SPATS2: variants seen among roughly 807,000 people sequenced by gnomAD.
SPATS2 encodes spermatogenesis-associated serine-rich protein 2.
A neutral mutation model predicts 63.7 loss-of-function variants in SPATS2; 38 were observed. The ratio of observed to expected loss-of-function variants is 0.60; its 90% CI spans 0.46 to 0.78. The LOEUF is 0.78. Ranked by LOEUF, SPATS2 falls within the 30% of genes least tolerant of loss-of-function variation. SPATS2 has a pLI of 0.00. For synonymous variants in SPATS2, 207 were observed against 232.9 expected, an observed-to-expected ratio of 0.89 and a Z score of 1.01; for missense variants, 588 against 666.2, an observed-to-expected ratio of 0.88 and a Z score of 1.29.
intron 10 of SPATS2, among the ~76,000 whole-genome samples, chr12:49,515,186 T>C (rs1180511152): frequency 6.6e-6 from 1 of 152,196 alleles, no homozygotes; most frequent in Non-Finnish European, 1.5e-5. Flanking sequence ...TTTGGTGATT[T>C]GTGGGGTTTT....
In SPATS2 at chr12:49,513,646, T is replaced by A. The variant is rs140205676; in HGVS notation, c.840-909T>A. On this transcript the variant is annotated intron_variant, in intron 9 of 13. Coordinates refer to ENST00000552918, the MANE Select transcript of SPATS2 (RefSeq NM_023071.4). ...CATCCTTCCTAGTTACTATTATGTG[T>A]TTCTCAGAAACTAGCACACTATATG... Among the ~76,000 whole-genome samples the A allele has an allele frequency of 7.4e-4, 112 of 152,332 alleles. 1 individual carries two copies. The highest frequency in any genetic ancestry group is 2.5e-3 in the African/African-American group (104 of 41,566).
intron 3 of SPATS2, among the ~76,000 whole-genome samples, chr12:49,472,761 C>T (rs1946057797): frequency 6.6e-6 from 1 of 151,222 alleles, no homozygotes; most frequent in South Asian, 2.1e-4. Flanking sequence ...ATAACAGGGC[C>T]AGGCGTGGTG....
intron 2 of SPATS2, among the ~76,000 whole-genome samples, chr12:49,394,712 TTTA>T (rs1944478486): frequency 6.6e-6 from 1 of 152,168 alleles, no homozygotes; most frequent in Non-Finnish European, 1.5e-5. Context: ...GCTAAACTCA[TTTA>T]TTATTATTTT....
intron 9 of SPATS2, among the ~76,000 whole-genome samples, chr12:49,504,674 T>G (rs1457952609): frequency 2.0e-5 from 3 of 151,600 alleles, no homozygotes; most frequent in Non-Finnish European, 4.4e-5. Context: ...GAAAGTCATG[T>G]AAGTTTATGG....
chr12:49,376,436 G>A (rs948693849), intron 2 of SPATS2, among the ~76,000 whole-genome samples: 6 of 151,638 alleles, frequency 4.0e-5, no homozygotes, highest in Admixed American at 6.6e-5. Flanking sequence ...TTGCTTCGTC[G>A]CTCAAGTTGG....
At chr12:49,407,977 T>C (rs1944725311) in intron 2 of SPATS2, among the ~76,000 whole-genome samples, 1 of 152,224 alleles carries the variant, frequency 6.6e-6, no homozygotes, top group South Asian at 2.1e-4. Flanking sequence ...GTGGACTCCT[T>C]GGCTAGCACA....
intron 3 of SPATS2, 106 bp from the exon 4 acceptor site, chr12:49,484,484 G>A (rs1946255701): frequency 1.0e-6 from 1 of 996,728 alleles, no homozygotes; most frequent in African/African-American, 1.6e-5. Flanking sequence ...CAACTAAGTT[G>A]CTGTTAATTG....
At chr12:49,448,162 G>A (rs1444864327) in intron 2 of SPATS2, among the ~76,000 whole-genome samples, 9 of 140,946 alleles carry the variant, frequency 6.4e-5, no homozygotes, top group Admixed American at 2.2e-4. Context: ...TTTTTAGACC[G>A]AGTCTCACTG....
chr12:49,502,182 CTG>C (rs1555191827), intron 9 of SPATS2, among the ~76,000 whole-genome samples: 1 of 152,152 alleles, frequency 6.6e-6, no homozygotes, highest in Non-Finnish European at 1.5e-5. Flanking sequence ...TTATACCTAA[CTG>C]TGTCTCTGTT....
intron 3 of SPATS2, among the ~76,000 whole-genome samples, chr12:49,464,801 G>A (rs950245110): frequency 3.3e-5 from 5 of 152,026 alleles, no homozygotes; most frequent in Admixed American, 2.0e-4. Flanking sequence ...TCTAGCCTGG[G>A]TGACAGAGCG....
intron 2 of SPATS2, among the ~76,000 whole-genome samples, chr12:49,413,802 C>T (rs1944840317): frequency 6.6e-6 from 1 of 152,088 alleles, no homozygotes; most frequent in Non-Finnish European, 1.5e-5. Context: ...GGCATCTCCC[C>T]CCATTCCCAG....
chr12:49,469,641 A>G (rs1289379738), intron 3 of SPATS2: 3 of 404,306 alleles, frequency 7.4e-6, no homozygotes, highest in Non-Finnish European at 1.4e-5. Context: ...CTGTAATTCC[A>G]GCACTTTAGG....
intron 2 of SPATS2, among the ~76,000 whole-genome samples, chr12:49,459,309 T>C (rs1945776238): frequency 6.6e-6 from 1 of 152,172 alleles, no homozygotes; most frequent in Non-Finnish European, 1.5e-5. Flanking sequence ...ACCAGACACC[T>C]GATCTTGCAA....
At chr12:49,428,058 A>G (rs1945112466) in intron 2 of SPATS2, among the ~76,000 whole-genome samples, 1 of 152,020 alleles carries the variant, frequency 6.6e-6, no homozygotes, top group African/African-American at 2.4e-5. Context: ...GATCGAGACC[A>G]TCCTGGCTAA....
intron 2 of SPATS2, among the ~76,000 whole-genome samples, chr12:49,425,676 C>T (rs549461977): frequency 6.6e-6 from 1 of 152,008 alleles, no homozygotes; most frequent in South Asian, 2.1e-4. Flanking sequence ...GTTGCCCAGG[C>T]TGGAGTGCAG....
Position 49,494,907 on chromosome 12 carries a change from T to C in SPATS2, c.431T>C (p.Val144Ala), listed in dbSNP as rs1386745503. 1 of 1,614,060 alleles carries C rather than the reference T, an allele frequency of 6.2e-7. No individual in the cohort carries two copies. Among genetic ancestry groups the C allele is most frequent in the Admixed American group, 1.7e-5 (1 of 59,988 alleles). ...GGTGCCATCAATGACACTGAGTCTGTGGACTCACTCAGTGAAGGTTTGGAG... is the reference window on the plus strand; with the variant it reads ...GGTGCCATCAATGACACTGAGTCTGCGGACTCACTCAGTGAAGGTTTGGAG... ...VNGAINDTES[V>A]DSLSEGLETL... The change falls in exon 7 of 14, where the codon GTG becomes GCG. Residue 144 changes from valine (V) to alanine (A), a missense_variant. Physicochemically the swap from Val to Ala is moderately conservative, Grantham distance 64. Transcript: ENST00000552918.
chr12:49,525,674 C>A (rs1014058867), intron 13 of SPATS2, among the ~76,000 whole-genome samples: 6 of 152,284 alleles, frequency 3.9e-5, no homozygotes, highest in Admixed American at 1.3e-4. Flanking sequence ...AGAGAATGTT[C>A]TTTCTTCCTT....
chr12:49,439,197 C>T (rs1028185658), intron 2 of SPATS2, among the ~76,000 whole-genome samples: 4 of 152,052 alleles, frequency 2.6e-5, no homozygotes, highest in Non-Finnish European at 5.9e-5. Flanking sequence ...GTGGTAGGTG[C>T]TTGGCTTGCT....
At chr12:49,429,197 C>T (rs1204099523) in intron 2 of SPATS2, among the ~76,000 whole-genome samples, 1 of 152,116 alleles carries the variant, frequency 6.6e-6, no homozygotes, top group East Asian at 1.9e-4. Context: ...CTTCTGATTT[C>T]CCACTTAGAA....
Sources: allele counts gnomAD v4.1 joint callset (sites outside exome capture counted in the v4.1 genomes callset), GRCh38; gene constraint gnomAD v4.1.1; transcripts MANE v1.5; gene names NCBI Gene and HGNC (gene_info 2026-07-23, HGNC 2026-07-21).